The following RARB variants were observed in gnomAD, a reference collection of about 807,000 sequenced individuals.
The protein encoded by RARB is HBV-activated protein.
RARB carries 17 observed loss-of-function variants against 51.9 expected under a neutral mutation model. The observed-to-expected ratio is 0.33, with a 90% confidence interval of 0.22 to 0.49. RARB has a LOEUF of 0.49. RARB is among the 20% of genes least tolerant of loss of function. The pLI, the probability that RARB is intolerant of heterozygous loss-of-function variation, is 0.99. For missense variants in RARB, 369 were observed against 550.8 expected (o/e 0.67, Z 3.30); for synonymous variants, 215 against 195.4 (o/e 1.10, Z -0.84).
chr3:25,446,249 T>C (rs925763704), intron 1 of RARB, among the ~76,000 whole-genome samples: 1 of 152,266 alleles, frequency 6.6e-6, no homozygotes, highest in Non-Finnish European at 1.5e-5. Context: ...ATGAATTTTA[T>C]AGTAACATGT....
At chr3:25,447,704 G>A (rs141075673) in intron 1 of RARB, among the ~76,000 whole-genome samples, 77 of 152,296 alleles carry the variant, frequency 5.1e-4, no homozygotes, top group African/African-American at 1.8e-3. Context: ...GATTGGCCAG[G>A]AAATCCTACG....
At chr3:25,489,662 C>T (rs1696631897) in intron 2 of RARB, among the ~76,000 whole-genome samples, 2 of 152,194 alleles carry the variant, frequency 1.3e-5, no homozygotes, top group Admixed American at 6.5e-5. Context: ...GGGGGCTTGG[C>T]GGGAGCCTGA....
intron 5 of RARB, among the ~76,000 whole-genome samples, chr3:25,329,956 GT>G (rs1371934370): frequency 4.6e-5 from 7 of 152,010 alleles, no homozygotes; most frequent in African/African-American, 1.4e-4. Flanking sequence ...GAGAAGAGAA[GT>G]TTAGAGAAAA....
At chr3:25,251,581 T>C (rs1702721792) in intron 5 of RARB, among the ~76,000 whole-genome samples, 2 of 152,166 alleles carry the variant, frequency 1.3e-5, no homozygotes, top group Admixed American at 1.3e-4. Flanking sequence ...CATTTTATTG[T>C]GGTTTTGGTT....
In RARB at chr3:25,118,892, T is replaced by G. The variant is rs73047785; in HGVS notation, c.-327-13269T>G. On this transcript the variant is annotated intron_variant, in intron 3 of 11. Transcript: ENST00000383772. ...ACTTTAATTTTTATCTCAAAAAAAC[T>G]TTAAAGCATCTATAACCAAATGCCC... 5.7e-3 allele frequency among the ~76,000 whole-genome samples: 874 copies of G among 152,212 alleles called. 5 individuals carry two copies. Among genetic ancestry groups the G allele is most frequent in the Middle Eastern group, 0.02 (6 of 294 alleles).
At chr3:25,044,143 C>A (rs1232052594) in intron 2 of RARB, among the ~76,000 whole-genome samples, 1 of 152,112 alleles carries the variant, frequency 6.6e-6, no homozygotes, top group Admixed American at 6.5e-5. Context: ...CCCTTTTAGT[C>A]AATTCTTAAT....
intron 5 of RARB, among the ~76,000 whole-genome samples, chr3:25,220,969 T>C (rs1701935487): frequency 6.6e-6 from 1 of 151,996 alleles, no homozygotes; most frequent in South Asian, 2.1e-4. Context: ...ATGGATTATG[T>C]ATGACATTTT....
intron 5 of RARB, among the ~76,000 whole-genome samples, chr3:25,275,240 T>G (rs1703353078): frequency 6.6e-6 from 1 of 152,080 alleles, no homozygotes; most frequent in Non-Finnish European, 1.5e-5. Context: ...GGCAGAAGGA[T>G]TGCTTGAGCC....
chr3:25,198,810 G>A (rs966791814), intron 5 of RARB, among the ~76,000 whole-genome samples: 2 of 152,066 alleles, frequency 1.3e-5, no homozygotes, highest in African/African-American at 4.8e-5. Flanking sequence ...TGAGGATGTG[G>A]AGAAAAGGGA....
chr3:25,003,596 T>C (rs1697212201), intron 2 of RARB, among the ~76,000 whole-genome samples: 2 of 152,158 alleles, frequency 1.3e-5, no homozygotes, highest in Admixed American at 6.6e-5. Flanking sequence ...ATTTGGTACC[T>C]TCTATGTGTT....
intron 3 of RARB, among the ~76,000 whole-genome samples, chr3:25,067,241 G>A (rs1698681302): frequency 6.6e-6 from 1 of 152,182 alleles, no homozygotes; most frequent in Non-Finnish European, 1.5e-5. Context: ...TACTGCCCGA[G>A]AGAGTATGAA....
intron 2 of RARB, among the ~76,000 whole-genome samples, chr3:24,978,585 G>A (rs1696570893): frequency 6.6e-6 from 1 of 152,090 alleles, no homozygotes; most frequent in African/African-American, 2.4e-5. Context: ...GTATTTCTGT[G>A]GGGTTGTTGG....
intron 2 of RARB, among the ~76,000 whole-genome samples, chr3:24,910,904 G>A (rs192227777): frequency 6.6e-6 from 1 of 152,098 alleles, no homozygotes; most frequent in Admixed American, 6.6e-5. Context: ...GTGCCCAAAA[G>A]GAAAAGGAAC....
At chr3:25,052,671 G>A (rs1189000042) in intron 2 of RARB, among the ~76,000 whole-genome samples, 1 of 152,160 alleles carries the variant, frequency 6.6e-6, no homozygotes, top group Non-Finnish European at 1.5e-5. Flanking sequence ...CTGAAGGTTA[G>A]TGCATGCAGG....
At chr3:25,595,712 C>T (rs1326416117) in intron 7 of RARB, among the ~76,000 whole-genome samples, 1 of 152,168 alleles carries the variant, frequency 6.6e-6, no homozygotes, top group African/African-American at 2.4e-5. Context: ...GCAACTGAGG[C>T]ACTGTTTTTC....
chr3:25,120,913 G>A (rs1323219940), intron 3 of RARB, among the ~76,000 whole-genome samples: 1 of 152,162 alleles, frequency 6.6e-6, no homozygotes, highest in East Asian at 1.9e-4. Flanking sequence ...GGCAGAGTCA[G>A]AACTGAGTAG....
chr3:25,519,461 C>A (rs1249769391), intron 3 of RARB, among the ~76,000 whole-genome samples: 3 of 152,166 alleles, frequency 2.0e-5, no homozygotes, highest in Non-Finnish European at 4.4e-5. Context: ...CAGAGATCCT[C>A]CTGGGTCTGA....
At chr3:25,586,074 C>T (rs889312089) in intron 5 of RARB, among the ~76,000 whole-genome samples, 2 of 152,178 alleles carry the variant, frequency 1.3e-5, no homozygotes, top group Middle Eastern at 3.4e-3. Context: ...CTCACAAGGG[C>T]GCCTCTCTCT....
chr3:25,488,773 T>C (rs562227876), intron 2 of RARB, among the ~76,000 whole-genome samples: 1 of 152,194 alleles, frequency 6.6e-6, no homozygotes, highest in Admixed American at 6.5e-5. Context: ...GCCAGCAATT[T>C]TGGAAAATGA....
Sources: allele counts gnomAD v4.1 joint callset (sites outside exome capture counted in the v4.1 genomes callset), GRCh38; gene constraint gnomAD v4.1.1; transcripts MANE v1.5; gene names NCBI Gene and HGNC (gene_info 2026-07-23, HGNC 2026-07-21).